Variants in PIK3C2G observed in about 807,000 individuals in gnomAD.
The protein encoded by PIK3C2G is phosphatidylinositol-4-phosphate 3-kinase catalytic subunit type 2 gamma.
In PIK3C2G, 168 loss-of-function variants were observed where a neutral mutation model predicts 181.1. The observed-to-expected ratio is 0.93, with a 90% CI of 0.82 to 1.05. PIK3C2G has a LOEUF of 1.05. PIK3C2G is among the 50% of genes least tolerant of loss of function. The pLI is 0.00. For missense variants in PIK3C2G, 1,869 were observed against 1,732.8 expected, an observed-to-expected ratio of 1.08 and a Z score of -1.40; for synonymous variants, 573 against 592.2, an observed-to-expected ratio of 0.97 and a Z score of 0.47.
intron 31 of PIK3C2G, among the ~76,000 whole-genome samples, chr12:18,636,418 A>T (rs1336127640): frequency 3.3e-5 from 5 of 152,006 alleles, no homozygotes; most frequent in Admixed American, 3.3e-4. Flanking sequence ...TTTAGTAGAG[A>T]TGGGGTTTCT....
chr12:18,698,606 T>C, the PIK3C2G span, among the ~76,000 whole-genome samples: 1 of 152,174 alleles, frequency 6.6e-6, no homozygotes, highest in South Asian at 2.1e-4. Context: ...TTCTGTGGTA[T>C]TTCTACACAA....
At chr12:18,409,913 G>A (rs1321557801) in intron 16 of PIK3C2G, among the ~76,000 whole-genome samples, 5 of 152,078 alleles carry the variant, frequency 3.3e-5, no homozygotes, top group Non-Finnish European at 7.4e-5. Context: ...ACATGGCTGG[G>A]CAGGAGGAAG....
chr12:18,270,776 A>C (rs1565537869), intron 1 of PIK3C2G, among the ~76,000 whole-genome samples: 1 of 152,156 alleles, frequency 6.6e-6, no homozygotes, highest in African/African-American at 2.4e-5. Flanking sequence ...GAAGTTGTTT[A>C]CTAACATACC....
intron 5 of PIK3C2G, among the ~76,000 whole-genome samples, chr12:18,301,324 T>C (rs1950167714): frequency 6.6e-6 from 1 of 152,200 alleles, no homozygotes; most frequent in Non-Finnish European, 1.5e-5. Flanking sequence ...ATCTCCACTC[T>C]TTATAGAACA....
At chr12:18,704,056 A>G in the PIK3C2G span, among the ~76,000 whole-genome samples, 2 of 152,176 alleles carry the variant, frequency 1.3e-5, no homozygotes, top group Non-Finnish European at 2.9e-5. Flanking sequence ...ACTAAGCAGG[A>G]GTGGTCAAAG....
intron 24 of PIK3C2G, among the ~76,000 whole-genome samples, chr12:18,532,658 A>T (rs995342158): frequency 1.3e-5 from 2 of 152,058 alleles, no homozygotes; most frequent in African/African-American, 4.8e-5. Flanking sequence ...TATATTATTT[A>T]TTCTGTTCCA....
At chr12:18,325,288 G>A (rs1046947378) in intron 8 of PIK3C2G, among the ~76,000 whole-genome samples, 190 bp downstream of exon 8, 46 of 152,198 alleles carry the variant, frequency 3.0e-4, no homozygotes, top group African/African-American at 1.1e-3. Flanking sequence ...TGCTACAGCT[G>A]CTGAGGAAAG....
At chr12:18,609,652 G>T (rs1487627810) in intron 31 of PIK3C2G, 23 bp downstream of exon 31, 1 of 1,365,556 alleles carries the variant, frequency 7.3e-7, no homozygotes, top group Non-Finnish European at 1.0e-6. Flanking sequence ...TGTATAATAA[G>T]AAACATGTAA....
chr12:18,286,098 G>A (rs913007813), intron 2 of PIK3C2G, among the ~76,000 whole-genome samples: 2 of 151,966 alleles, frequency 1.3e-5, no homozygotes, highest in African/African-American at 4.8e-5. Context: ...ATTTCGTAAT[G>A]CTAAAATGGT....
intron 4 of PIK3C2G, among the ~76,000 whole-genome samples, chr12:18,292,057 A>G (rs1949711200): frequency 6.6e-6 from 1 of 150,716 alleles, no homozygotes; most frequent in African/African-American, 2.4e-5. Context: ...AAAAATACAA[A>G]AAATTAGCCA....
At chr12:18,478,791 A>C (rs939092778) in intron 18 of PIK3C2G, among the ~76,000 whole-genome samples, 1 of 152,034 alleles carries the variant, frequency 6.6e-6, no homozygotes, top group African/African-American at 2.4e-5. Context: ...CCTGGGCAAC[A>C]CAAGGAGACC....
the PIK3C2G span, chr12:18,683,718 A>T: frequency 2.0e-6 from 2 of 975,792 alleles, no homozygotes; most frequent in Non-Finnish European, 2.9e-6. Flanking sequence ...ACATAAAGGT[A>T]GTCAGCCCTG....
At chr12:18,545,245 G>T (rs1293788190) in intron 25 of PIK3C2G, among the ~76,000 whole-genome samples, 1 of 151,836 alleles carries the variant, frequency 6.6e-6, no homozygotes, top group African/African-American at 2.4e-5. Context: ...TCCTTTGTAT[G>T]TCTTGCTTTC....
intron 14 of PIK3C2G, among the ~76,000 whole-genome samples, chr12:18,384,140 A>G (rs936780256): frequency 6.6e-6 from 1 of 152,000 alleles, no homozygotes; most frequent in African/African-American, 2.4e-5. Flanking sequence ...TATTAGAAGA[A>G]TATTTTAGTG....
chr12:18,707,991 A>T, the PIK3C2G span, among the ~76,000 whole-genome samples: 2 of 152,208 alleles, frequency 1.3e-5, no homozygotes, highest in Non-Finnish European at 2.9e-5. Flanking sequence ...ATCATTTCAC[A>T]GTTACCCTTT....
At chr12:18,288,017 C>G (rs1949528183) in intron 3 of PIK3C2G, among the ~76,000 whole-genome samples, 1 of 151,858 alleles carries the variant, frequency 6.6e-6, no homozygotes, top group Non-Finnish European at 1.5e-5. Context: ...CAAAAATTAG[C>G]CAGGTATGTT....
At chr12:18,430,680 G>A (rs1565714466) in intron 18 of PIK3C2G, among the ~76,000 whole-genome samples, 1 of 152,264 alleles carries the variant, frequency 6.6e-6, no homozygotes, top group South Asian at 2.1e-4. Context: ...AATTCCAGGA[G>A]ATTGACCTGA....
At chr12:18,354,243 G>C (rs1450959842) in intron 11 of PIK3C2G, among the ~76,000 whole-genome samples, 5 of 152,228 alleles carry the variant, frequency 3.3e-5, no homozygotes, top group Non-Finnish European at 7.3e-5. Context: ...AGTCCTGTAG[G>C]TAGAAGGGGA....
exon 1 of PIK3C2G, chr12:18,247,956 G>C (rs10743264): frequency 0.43 from 65,278 of 151,922 alleles, 14,565 homozygotes; most frequent in East Asian, 0.75. Context: ...TCCTGTACCA[G>C]TGAGAATCAA....
Sources: gnomAD v4.1 joint callset for allele counts (sites outside exome capture counted in the v4.1 genomes callset) on GRCh38, gnomAD v4.1.1 for gene constraint, MANE v1.5 for transcripts, NCBI Gene and HGNC (gene_info 2026-07-23, HGNC 2026-07-21) for gene names.